METTL8: variants seen among roughly 807,000 people sequenced by gnomAD.
METTL8 encodes the protein methyltransferase 8, tRNA N3-cytidine.
A neutral mutation model predicts 48.7 loss-of-function variants in METTL8; 32 were observed. That is an observed-to-expected ratio of 0.66 (90% confidence interval 0.50 to 0.88). METTL8 has a LOEUF of 0.88. METTL8 is among the 40% of genes least tolerant of loss of function. The pLI is 0.00. For missense variants in METTL8, 464 were observed against 474.4 expected, an observed-to-expected ratio of 0.98 and a Z score of 0.20; for synonymous variants, 136 against 157.1, an observed-to-expected ratio of 0.87 and a Z score of 1.01.
chr2:171,381,596 A>G (rs1687542709), intron 2 of METTL8, among the ~76,000 whole-genome samples: 1 of 152,318 alleles, frequency 6.6e-6, no homozygotes, highest in African/African-American at 2.4e-5. Flanking sequence ...AAGGATATGA[A>G]CAGACACTTC....
chr2:171,324,683 C>T (rs1000380390), intron 9 of METTL8, among the ~76,000 whole-genome samples: 5 of 152,258 alleles, frequency 3.3e-5, no homozygotes, highest in East Asian at 1.9e-4. Context: ...AAACCCAAAA[C>T]GGCAGATTAT....
At chr2:171,336,559 G>A (rs913686666) in intron 5 of METTL8, among the ~76,000 whole-genome samples, 25 of 151,606 alleles carry the variant, frequency 1.6e-4, no homozygotes, top group African/African-American at 6.0e-4. Context: ...CCGCCACCAC[G>A]CCTGGCTAAT....
Position 171,363,812 on chromosome 2 carries a change from A to ATATG in METTL8, c.144-3300_144-3299insCATA, listed in dbSNP as rs1353749107. On this transcript the variant is annotated intron_variant, in intron 2 of 9. Coordinates refer to ENST00000375258, the MANE Select transcript of METTL8 (RefSeq NM_001321154.2). ...AAATTTTATATATATATATATATAT[A>ATATG]TATCTTTTTTTTTTTTTTGAGATGG... Among the ~76,000 whole-genome samples the ATATG allele has an allele frequency of 1.3e-3, 181 of 138,324 alleles. 2 individuals are homozygous for ATATG. Among genetic ancestry groups the ATATG allele is most frequent in the Middle Eastern group, 3.7e-3 (1 of 270 alleles). The allele number at this position is 138,324 out of a possible 152,430, so 90.7% of individuals were successfully genotyped here. A position where few individuals can be genotyped will look rare whatever the true frequency, so the allele number is the denominator to read the frequency against.
chr2:171,420,944 A>C (rs1023245378), intron 1 of METTL8, among the ~76,000 whole-genome samples: 2 of 152,242 alleles, frequency 1.3e-5, no homozygotes, highest in African/African-American at 2.4e-5. Context: ...GTCATCCTTA[A>C]TGGTGAAATA....
chr2:171,354,322 A>C (rs1684282674), intron 3 of METTL8, among the ~76,000 whole-genome samples: 1 of 152,200 alleles, frequency 6.6e-6, no homozygotes, highest in Non-Finnish European at 1.5e-5. Flanking sequence ...TTCTGCCGAG[A>C]GATCCGCTGT....
At chr2:171,434,597 C>A (rs1286753301), upstream of METTL8, 2 of 1,528,044 alleles carry the variant, frequency 1.3e-6, no homozygotes, top group South Asian at 2.4e-5. Context: ...ACCCGGAAGC[C>A]CAACGTGTGC....
At chr2:171,390,671 T>G (rs1370280675) in intron 2 of METTL8, among the ~76,000 whole-genome samples, 1 of 152,154 alleles carries the variant, frequency 6.6e-6, no homozygotes, top group African/African-American at 2.4e-5. Context: ...GCCTAAAGAT[T>G]TAGTCTGAAT....
At chr2:171,397,373 A>C (rs958409099) in intron 1 of METTL8, among the ~76,000 whole-genome samples, 3 of 147,220 alleles carry the variant, frequency 2.0e-5, no homozygotes, top group African/African-American at 7.4e-5. Flanking sequence ...AAAAAAAAAA[A>C]AAAAAACAAC....
At chr2:171,358,882 A>T (rs1684864365) in intron 3 of METTL8, among the ~76,000 whole-genome samples, 1 of 152,224 alleles carries the variant, frequency 6.6e-6, no homozygotes, top group Admixed American at 6.5e-5. Context: ...GTGAAGAGAC[A>T]ACCCACAGAA....
At chr2:171,399,979 A>AAAAT (rs1328979288) in intron 1 of METTL8, among the ~76,000 whole-genome samples, 4 of 152,230 alleles carry the variant, frequency 2.6e-5, no homozygotes, top group East Asian at 1.9e-4. Context: ...TCTCAAAATA[A>AAAAT]AAATAAATAA....
At chr2:171,329,883 C>G (rs1685344457) in intron 7 of METTL8, among the ~76,000 whole-genome samples, 1 of 152,070 alleles carries the variant, frequency 6.6e-6, no homozygotes, top group South Asian at 2.1e-4. Context: ...CCATATGTAC[C>G]CTTTAATACA....
At chr2:171,401,779 A>C (rs186231708) in intron 1 of METTL8, among the ~76,000 whole-genome samples, 38 of 152,326 alleles carry the variant, frequency 2.5e-4, no homozygotes, top group African/African-American at 9.1e-4. Context: ...GTACGGAAGA[A>C]GGAAAAAAGC....
chr2:171,433,259 A>G (rs987192709), intron 1 of METTL8: 3 of 152,226 alleles, frequency 2.0e-5, no homozygotes, highest in Non-Finnish European at 2.9e-5. Context: ...AAGGGGCAAG[A>G]TCCACACAAA....
intron 2 of METTL8, among the ~76,000 whole-genome samples, chr2:171,362,226 G>A (rs771304987): frequency 6.6e-6 from 1 of 152,154 alleles, no homozygotes; most frequent in Non-Finnish European, 1.5e-5. Flanking sequence ...TGTTGGAGTG[G>A]TCTAGGAGTA....
At chr2:171,392,309 T>C in intron 1 of METTL8, 112 bp from the exon 2 acceptor site, 1 of 796,968 alleles carries the variant, frequency 1.3e-6, no homozygotes, top group Non-Finnish European at 1.9e-6. Context: ...ACATGAAAAC[T>C]AGAAACTTTT....
At position 171,323,064 on chromosome 2, in the gene METTL8, G is replaced by C. The variant is rs968182948; in HGVS notation, c.*1108C>G. 1.3e-5 allele frequency: 2 copies of C among 152,138 alleles called. No homozygotes were observed. The highest frequency in any genetic ancestry group is 4.8e-5 in the African/African-American group (2 of 41,420). The allele number at this position is 152,138 out of a possible 1,614,324, so 9.4% of individuals were successfully genotyped here. A position where few individuals can be genotyped will look rare whatever the true frequency, so the allele number is the denominator to read the frequency against. On this transcript the variant is annotated 3_prime_UTR_variant, in exon 10 of 10. Transcript: ENST00000375258. ...TTTATCAGCAAGGTCTGTATGACCT[G>C]TATCTTGTACTGACTTCCTATCTCA...
chr2:171,422,640 G>A (rs571608058), intron 1 of METTL8, among the ~76,000 whole-genome samples: 3 of 152,124 alleles, frequency 2.0e-5, no homozygotes, highest in Non-Finnish European at 4.4e-5. Flanking sequence ...CAATCTAATA[G>A]AAAATGGGCA....
At position 171,418,517 on chromosome 2, in the gene METTL8, C is replaced by CCCA. The variant is rs1405143324; in HGVS notation, c.-13+15365_-13+15366insTGG. On this transcript the variant is annotated intron_variant, in intron 1 of 9. Transcript: ENST00000375258. The stretch of plus-strand genomic sequence containing the variant: ...ATTCTTTTGCATGGACGATTTGTCT[C>CCCA]TTCTCTCCCATTCATTTATTTATTC... Among the ~76,000 whole-genome samples, 222 of 152,200 alleles carry CCCA rather than the reference C, an allele frequency of 1.5e-3. 4 individuals are homozygous for CCCA. The East Asian group carries it at 0.016, about 11-fold the overall frequency.
chr2:171,392,801 C>T (rs1378428804), intron 1 of METTL8, among the ~76,000 whole-genome samples: 1 of 152,030 alleles, frequency 6.6e-6, no homozygotes, highest in Non-Finnish European at 1.5e-5. Context: ...TTTTCCTGAA[C>T]AAAATGCATG....
Sources: allele counts gnomAD v4.1 joint callset (sites outside exome capture counted in the v4.1 genomes callset), GRCh38; gene constraint gnomAD v4.1.1; transcripts MANE v1.5; gene names NCBI Gene and HGNC (gene_info 2026-07-23, HGNC 2026-07-21).